MRPL13: variants seen among roughly 807,000 people sequenced by gnomAD.
The protein encoded by MRPL13 is mitochondrial ribosomal protein L13.
Under a neutral mutation model 29.0 loss-of-function variants are expected in MRPL13, and 33 were observed. The ratio of observed to expected loss-of-function variants is 1.14; its 90% CI spans 0.86 to 1.52. The LOEUF is 1.52. MRPL13 is among the 40% of genes most tolerant of loss of function. MRPL13 has a pLI of 0.00. For synonymous variants in MRPL13, 77 were observed against 68.4 expected (o/e 1.13, Z -0.62); for missense variants, 227 against 216.7 (o/e 1.05, Z -0.30).
rs183269529 is a variant in MRPL13, at chr8:120,407,453, T to C, written c.515+6538A>G. Among the ~76,000 whole-genome samples, 5 of 152,180 alleles carry C rather than the reference T, an allele frequency of 3.3e-5. No homozygotes were observed. In the East Asian group the frequency reaches 9.7e-4, roughly 29 times the overall value. ...TGAGGTCAAGAGATCGAGACCATCC[T>C]GGCCAACATGGTGAAACCCAGTCTC... On this transcript the variant is annotated intron_variant, in intron 6 of 6. Coordinates refer to ENST00000306185, the MANE Select transcript of MRPL13 (RefSeq NM_014078.6).
intron 6 of MRPL13, among the ~76,000 whole-genome samples, chr8:120,400,058 C>T (rs954328980): frequency 5.9e-5 from 9 of 152,096 alleles, no homozygotes; most frequent in Non-Finnish European, 1.0e-4. Flanking sequence ...GCCCCACTGA[C>T]AATATTTGAC....
chr8:120,426,596 AG>A (rs1018426132), intron 3 of MRPL13, among the ~76,000 whole-genome samples: 3 of 152,196 alleles, frequency 2.0e-5, no homozygotes, highest in Admixed American at 2.0e-4. Flanking sequence ...AATATATTTC[AG>A]AAGTCTGGAC....
At chr8:120,437,410 T>C (rs897446412) in intron 2 of MRPL13, among the ~76,000 whole-genome samples, 1 of 152,178 alleles carries the variant, frequency 6.6e-6, no homozygotes, top group African/African-American at 2.4e-5. Flanking sequence ...TAATCTAATT[T>C]TAGCAAAGCT....
intron 5 of MRPL13, among the ~76,000 whole-genome samples, chr8:120,418,834 G>A (rs1307464853): frequency 2.0e-5 from 3 of 151,940 alleles, no homozygotes; most frequent in East Asian, 3.9e-4. Flanking sequence ...AGTGAATAGT[G>A]GGAAATTATT....
intron 6 of MRPL13, among the ~76,000 whole-genome samples, chr8:120,397,114 C>T (rs1418838490): frequency 6.6e-6 from 1 of 152,116 alleles, no homozygotes; most frequent in Non-Finnish European, 1.5e-5. Context: ...ATTGTGTGAC[C>T]CCCACCTGGG....
At chr8:120,440,568 G>A (rs1392907185) in intron 2 of MRPL13, among the ~76,000 whole-genome samples, 2 of 147,154 alleles carry the variant, frequency 1.4e-5, no homozygotes, top group African/African-American at 5.1e-5. Flanking sequence ...TTGGGCCACT[G>A]CACTCTAGCC....
intron 3 of MRPL13, among the ~76,000 whole-genome samples, chr8:120,427,777 A>C (rs1176051283): frequency 6.6e-6 from 1 of 152,142 alleles, no homozygotes; most frequent in Non-Finnish European, 1.5e-5. Context: ...CAGCCTGGGC[A>C]ACACAGTGAG....
At chr8:120,421,261 G>C (rs1812871204) in intron 4 of MRPL13, among the ~76,000 whole-genome samples, 1 of 151,610 alleles carries the variant, frequency 6.6e-6, no homozygotes, top group African/African-American at 2.4e-5. Flanking sequence ...TCTTAAAGAA[G>C]CTAAAACATA....
chr8:120,413,911 C>A, intron 6 of MRPL13, 80 bp downstream of exon 6: 1 of 1,390,184 alleles, frequency 7.2e-7, no homozygotes, highest in South Asian at 2.1e-5. Context: ...TTCCCGCCCT[C>A]AAGGATCTTA....
intron 6 of MRPL13, among the ~76,000 whole-genome samples, chr8:120,403,194 C>T (rs1812622573): frequency 6.6e-6 from 1 of 152,126 alleles, no homozygotes; most frequent in Non-Finnish European, 1.5e-5. Flanking sequence ...AAGACAAACG[C>T]ATGTGTATGT....
chr8:120,441,880 T>C (rs1404579237), intron 2 of MRPL13, among the ~76,000 whole-genome samples: 4 of 152,210 alleles, frequency 2.6e-5, no homozygotes. Flanking sequence ...CTGCAGCTTA[T>C]TTTCAAATGG....
chr8:120,405,797 T>G (rs1336997469), intron 6 of MRPL13, among the ~76,000 whole-genome samples: 1 of 152,210 alleles, frequency 6.6e-6, no homozygotes, highest in Non-Finnish European at 1.5e-5. Context: ...ATTATGTTGC[T>G]TACATACCCT....
intron 6 of MRPL13, among the ~76,000 whole-genome samples, chr8:120,409,174 T>C (rs1185103859): frequency 6.6e-6 from 1 of 152,196 alleles, no homozygotes; most frequent in Non-Finnish European, 1.5e-5. Context: ...GCTGAAGCTT[T>C]CCATGGTTAG....
At chr8:120,418,280 T>C (rs960852915) in intron 5 of MRPL13, among the ~76,000 whole-genome samples, 2 of 152,148 alleles carry the variant, frequency 1.3e-5, no homozygotes, top group African/African-American at 4.8e-5. Context: ...TTATTTCCTA[T>C]GAATAAGCAT....
intron 6 of MRPL13, among the ~76,000 whole-genome samples, chr8:120,399,976 T>C (rs1325074592): frequency 6.6e-6 from 1 of 152,204 alleles, no homozygotes; most frequent in Non-Finnish European, 1.5e-5. Flanking sequence ...AGTACGCAGA[T>C]TCATAAAGCA....
chr8:120,425,578 T>A (rs1812923454), intron 3 of MRPL13, among the ~76,000 whole-genome samples: 1 of 152,222 alleles, frequency 6.6e-6, no homozygotes, highest in South Asian at 2.1e-4. Flanking sequence ...TTCTACTTCT[T>A]GGAAAAATTT....
chr8:120,436,339 T>C (rs926461192), intron 2 of MRPL13, among the ~76,000 whole-genome samples: 10 of 152,132 alleles, frequency 6.6e-5, no homozygotes, highest in African/African-American at 2.4e-4. Flanking sequence ...CTCATCAGCA[T>C]CTGTTGTCAC....
intron 6 of MRPL13, among the ~76,000 whole-genome samples, chr8:120,401,542 TATC>T (rs1222270487): frequency 6.6e-6 from 1 of 152,046 alleles, no homozygotes; most frequent in Non-Finnish European, 1.5e-5. Context: ...CTACAGCCAA[TATC>T]ATACTGAATG....
In MRPL13 at chr8:120,419,695, AT is replaced by A. The variant is rs752027874; in HGVS notation, c.393+156del. 323 of 425,984 alleles carry A rather than the reference AT, an allele frequency of 7.6e-4. 1 individual carries two copies. The highest frequency in any genetic ancestry group is 3.1e-3 in the African/African-American group (147 of 48,182). The allele number at this position is 425,984 out of a possible 1,614,324, so 26.4% of individuals were successfully genotyped here. ...ATTTTAAAATATTAATAGAATTATC[AT>A]TTTTTATACATACATATTCATTTAA... On this transcript the variant is annotated intron_variant, in intron 5 of 6. Coordinates refer to ENST00000306185, the MANE Select transcript of MRPL13 (RefSeq NM_014078.6).
Sources: allele counts gnomAD v4.1 joint callset (sites outside exome capture counted in the v4.1 genomes callset), GRCh38; gene constraint gnomAD v4.1.1; transcripts MANE v1.5; gene names NCBI Gene and HGNC (gene_info 2026-07-23, HGNC 2026-07-21).